The following PTK2 variants were observed in gnomAD, a reference collection of about 807,000 sequenced individuals.
PTK2 encodes the protein focal adhesion kinase 1.
In PTK2, 45 loss-of-function variants were observed where a neutral mutation model predicts 150.1. The observed-to-expected ratio is 0.30, with a 90% CI of 0.24 to 0.38. The LOEUF (loss-of-function observed/expected upper bound fraction) is 0.38, where lower values mean the gene tolerates loss of function less well. Among genes scored for constraint, PTK2 ranks in the 10% least tolerant of loss-of-function variants. PTK2 has a pLI of 1.00. For synonymous variants in PTK2, 432 were observed against 449.2 expected (o/e 0.96, Z 0.48); for missense variants, 919 against 1,307.3 (o/e 0.70, Z 4.58).
chr8:140,870,060 G>A lies in PTK2; in HGVS notation c.363-5661C>T, dbSNP rs574325137. ...TGAAAAAATGTACACAAACACACCC[G>A]CCCTCTTTATAATAACAGAACATAC... On this transcript the variant is annotated intron_variant, in intron 4 of 31. Coordinates refer to ENST00000522684, the Ensembl canonical transcript of PTK2. 4.0e-5 allele frequency among the ~76,000 whole-genome samples: 6 copies of A among 151,566 alleles called. No individual in the cohort carries two copies. The South Asian group carries it at 1.0e-3, about 26-fold the overall frequency.
intron 22 of PTK2, among the ~76,000 whole-genome samples, chr8:140,733,877 G>T (rs1486508444): frequency 1.3e-5 from 2 of 152,150 alleles, no homozygotes; most frequent in Non-Finnish European, 2.9e-5. Flanking sequence ...CCAATGTGGG[G>T]CTCACTGTAT....
chr8:140,846,191 T>C (rs1015545943), intron 7 of PTK2, 69 bp downstream of exon 7: 95 of 1,290,168 alleles, frequency 7.4e-5, no homozygotes, highest in Non-Finnish European at 1.0e-4. Flanking sequence ...AATCAGTATT[T>C]AATTTTAAAA....
At chr8:140,661,488 C>A (rs547928287) in intron 31 of PTK2, among the ~76,000 whole-genome samples, 76 of 152,152 alleles carry the variant, frequency 5.0e-4, no homozygotes, top group Non-Finnish European at 1.0e-3. Flanking sequence ...GAAAGCAGAC[C>A]GTTCTTGCCA....
At chr8:140,808,413 CT>C (rs1255481081) in intron 10 of PTK2, among the ~76,000 whole-genome samples, 1 of 152,172 alleles carries the variant, frequency 6.6e-6, no homozygotes, top group Non-Finnish European at 1.5e-5. Context: ...TCCAATCTTG[CT>C]TTCTTCTACT....
rs546816795 is a variant in PTK2 at position 140,931,418 on chromosome 8, A to G, written c.-121-5669T>C. On this transcript the variant is annotated intron_variant, in intron 1 of 31. Transcript: ENST00000522684. ...CTCTATAAAAAAATACCAAACAATT[A>G]GCTGGGCATGGTGGTGCCTGCCTGT... Among the ~76,000 whole-genome samples, 197 of 152,156 alleles carry G rather than the reference A, an allele frequency of 1.3e-3. 1 individual carries two copies. Among genetic ancestry groups the G allele is most frequent in the African/African-American group, 4.6e-3 (191 of 41,490 alleles).
chr8:140,871,225 C>G (rs954696054), intron 4 of PTK2, among the ~76,000 whole-genome samples: 1 of 152,068 alleles, frequency 6.6e-6, no homozygotes. Context: ...TCTAACATTT[C>G]AAAATTTCTC....
intron 3 of PTK2, among the ~76,000 whole-genome samples, chr8:140,880,915 A>G (rs957402996): frequency 1.3e-4 from 20 of 152,202 alleles, no homozygotes; most frequent in African/African-American, 4.3e-4. Context: ...GGTAGAGTCA[A>G]TCTCTCTTTC....
At chr8:140,823,122 G>C (rs1399396798) in intron 8 of PTK2, among the ~76,000 whole-genome samples, 3 of 152,164 alleles carry the variant, frequency 2.0e-5, no homozygotes, top group South Asian at 2.1e-4. Context: ...TATGGTAGCA[G>C]TTGCAAGGAA....
intron 11 of PTK2, among the ~76,000 whole-genome samples, chr8:140,801,172 T>A (rs547424577): frequency 2.6e-5 from 4 of 151,972 alleles, no homozygotes; most frequent in Admixed American, 2.6e-4. Flanking sequence ...GGCAGAAGAG[T>A]GACGAGGCAT....
chr8:140,951,528 A>G (rs866789661), intron 1 of PTK2, among the ~76,000 whole-genome samples: 2 of 152,196 alleles, frequency 1.3e-5, no homozygotes, highest in Non-Finnish European at 2.9e-5. Flanking sequence ...CTGGGTTTAT[A>G]TATTTTCAAA....
chr8:140,882,861 C>T (rs1600437228), intron 3 of PTK2, among the ~76,000 whole-genome samples: 1 of 152,124 alleles, frequency 6.6e-6, no homozygotes, highest in African/African-American at 2.4e-5. Context: ...ACTTCCTGGC[C>T]ATCAACAAAA....
intron 21 of PTK2, among the ~76,000 whole-genome samples, chr8:140,737,866 C>T (rs905418196): frequency 1.3e-5 from 2 of 152,114 alleles, no homozygotes; most frequent in Non-Finnish European, 2.9e-5. Flanking sequence ...ATAATCAAGG[C>T]CTTGGGATTT....
intron 3 of PTK2, among the ~76,000 whole-genome samples, chr8:140,882,964 C>T (rs1168260014): frequency 6.6e-6 from 1 of 152,100 alleles, no homozygotes; most frequent in African/African-American, 2.4e-5. Flanking sequence ...AATTTAATGA[C>T]CAAAAAAACT....
chr8:140,795,428 A>G (rs910700325), intron 12 of PTK2, among the ~76,000 whole-genome samples: 2 of 152,150 alleles, frequency 1.3e-5, no homozygotes, highest in Non-Finnish European at 2.9e-5. Flanking sequence ...TCAATAGGGA[A>G]TAGCCAGATA....
chr8:140,773,233 A>C (rs1488401546), intron 14 of PTK2, among the ~76,000 whole-genome samples: 1 of 152,234 alleles, frequency 6.6e-6, no homozygotes, highest in Non-Finnish European at 1.5e-5. Context: ...TAGGACTTTT[A>C]TTGTATTCAA....
chr8:140,702,864 A>G (rs933308997), intron 24 of PTK2, 157 bp from the exon 28 acceptor site: 2 of 891,634 alleles, frequency 2.2e-6, no homozygotes. Flanking sequence ...ACATGTGAAT[A>G]TGTTTCCTTA....
chr8:140,923,593 A>G (rs1428258928), intron 2 of PTK2, among the ~76,000 whole-genome samples: 1 of 152,216 alleles, frequency 6.6e-6, no homozygotes, highest in Non-Finnish European at 1.5e-5. Context: ...AAAAGAACAG[A>G]AACAGACTAC....
intron 14 of PTK2, 28 bp from the exon 15 acceptor site, chr8:140,770,827 G>A (rs1166674726): frequency 8.9e-7 from 1 of 1,119,848 alleles, no homozygotes; most frequent in Non-Finnish European, 1.2e-6. Context: ...AGGGGAAAGA[G>A]AAAAATAGAA....
chr8:140,793,290 G>C, intron 13 of PTK2, 64 bp downstream of exon 13: 1 of 1,521,734 alleles, frequency 6.6e-7, no homozygotes, highest in Non-Finnish European at 9.0e-7. Context: ...GAATAATAAA[G>C]CATAGAAATT....
Sources: allele counts gnomAD v4.1 joint callset (sites outside exome capture counted in the v4.1 genomes callset), GRCh38; gene constraint gnomAD v4.1.1; transcripts MANE v1.5; gene names NCBI Gene and HGNC (gene_info 2026-07-23, HGNC 2026-07-21).